Variants in SKAP1 observed in about 807,000 individuals in gnomAD.
SKAP1 encodes src kinase associated phosphoprotein 1, also known as src kinase-associated phosphoprotein 1.
In SKAP1, 44 loss-of-function variants were observed where a neutral mutation model predicts 58.5. That is an observed-to-expected ratio of 0.75 (90% confidence interval 0.59 to 0.97). SKAP1 has a LOEUF of 0.97. SKAP1 is among the 50% of genes least tolerant of loss of function. SKAP1 has a pLI of 0.00. For synonymous variants in SKAP1, 127 were observed against 149.7 expected, an observed-to-expected ratio of 0.85 and a Z score of 1.11; for missense variants, 390 against 435.2, an observed-to-expected ratio of 0.90 and a Z score of 0.92.
intron 4 of SKAP1, among the ~76,000 whole-genome samples, chr17:48,302,595 C>T (rs1032113806): frequency 6.6e-6 from 1 of 152,170 alleles, no homozygotes; most frequent in African/African-American, 2.4e-5. Context: ...TTGCTGTCCA[C>T]CTTATTGCAA....
chr17:48,405,448 T>C (rs2067566097), intron 1 of SKAP1, among the ~76,000 whole-genome samples: 11 of 76,694 alleles, frequency 1.4e-4, no homozygotes, highest in African/African-American at 6.0e-4. Context: ...TTTCTTTCTT[T>C]CTTTTCTTTC....
At chr17:48,324,132 A>G (rs946346301) in intron 4 of SKAP1, among the ~76,000 whole-genome samples, 9 of 151,540 alleles carry the variant, frequency 5.9e-5, no homozygotes, top group African/African-American at 1.7e-4. Flanking sequence ...CACAAAGGGG[A>G]AAAAAAAGCA....
rs144182938 is a variant in SKAP1 at position 48,409,539 on chromosome 17, C to T, written c.47-12754G>A. ...AAAGAATTAGCTGGGCATGGTGGCA[C>T]GTACCTGTAGTCCCAGCTACTAGGG... On this transcript the variant is annotated intron_variant, in intron 1 of 12. Coordinates refer to ENST00000336915, the MANE Select transcript of SKAP1 (RefSeq NM_003726.4). Among the ~76,000 whole-genome samples the T allele has an allele frequency of 5.9e-3, 892 of 151,972 alleles. 4 individuals carry two copies. The highest frequency in any genetic ancestry group is 0.011 in the Admixed American group (163 of 15,244).
chr17:48,289,716 G>A (rs2065876907), intron 4 of SKAP1, among the ~76,000 whole-genome samples: 1 of 151,888 alleles, frequency 6.6e-6, no homozygotes, highest in East Asian at 1.9e-4. Context: ...GTAATCTGTA[G>A]TCATTATTAA....
At chr17:48,400,246 G>A (rs934816521) in intron 1 of SKAP1, among the ~76,000 whole-genome samples, 2 of 151,486 alleles carry the variant, frequency 1.3e-5, no homozygotes, top group Non-Finnish European at 2.9e-5. Context: ...CTACAGGCAC[G>A]CACCACCACA....
intron 9 of SKAP1, among the ~76,000 whole-genome samples, chr17:48,178,542 G>C (rs2064322319): frequency 6.6e-6 from 1 of 152,148 alleles, no homozygotes; most frequent in Non-Finnish European, 1.5e-5. Context: ...ATTCTCAGAG[G>C]AGCTGTGTTT....
chr17:48,229,338 G>A (rs763886726), intron 4 of SKAP1, among the ~76,000 whole-genome samples: 11 of 151,996 alleles, frequency 7.2e-5, no homozygotes, highest in Non-Finnish European at 7.4e-5. Context: ...AAACATTTGC[G>A]GGCCTGGCGT....
intron 9 of SKAP1, among the ~76,000 whole-genome samples, chr17:48,171,036 G>A (rs567815432): frequency 9.4e-5 from 14 of 148,796 alleles, no homozygotes; most frequent in African/African-American, 3.4e-4. Flanking sequence ...ATACGGAAAG[G>A]TCCCCTTTCT....
chr17:48,191,974 G>A (rs551421997), intron 4 of SKAP1, among the ~76,000 whole-genome samples: 4 of 152,306 alleles, frequency 2.6e-5, no homozygotes, highest in African/African-American at 9.6e-5. Flanking sequence ...TGAGTGGGGT[G>A]AGGACCAGTT....
intron 4 of SKAP1, among the ~76,000 whole-genome samples, chr17:48,341,308 A>G (rs1036441801): frequency 1.3e-5 from 2 of 152,184 alleles, no homozygotes; most frequent in African/African-American, 4.8e-5. Flanking sequence ...TTAAACCTTC[A>G]TTTTAATTTC....
chr17:48,135,508 T>C (rs770191981), intron 12 of SKAP1, among the ~76,000 whole-genome samples: 1 of 152,188 alleles, frequency 6.6e-6, no homozygotes, highest in Non-Finnish European at 1.5e-5. Context: ...GACAGGATCT[T>C]GCTCTTTCAC....
chr17:48,426,063 A>G (rs1322811340), intron 1 of SKAP1, among the ~76,000 whole-genome samples: 1 of 152,216 alleles, frequency 6.6e-6, no homozygotes, highest in East Asian at 1.9e-4. Context: ...AAGAGTGCTT[A>G]AAGAGAATCT....
intron 3 of SKAP1, among the ~76,000 whole-genome samples, chr17:48,357,038 C>A (rs2066884208): frequency 6.6e-6 from 1 of 152,106 alleles, no homozygotes; most frequent in African/African-American, 2.4e-5. Context: ...CTCTATATAG[C>A]ATTCCATTAA....
intron 10 of SKAP1, among the ~76,000 whole-genome samples, chr17:48,165,403 CTTTT>C (rs1282614907): frequency 1.3e-3 from 54 of 41,604 alleles, no homozygotes; most frequent in Admixed American, 2.9e-3. Context: ...TTCTTTCTTT[CTTTT>C]TTTTTTTTTT....
intron 11 of SKAP1, among the ~76,000 whole-genome samples, chr17:48,145,649 G>A (rs140561554): frequency 4.9e-4 from 74 of 152,074 alleles, no homozygotes; most frequent in African/African-American, 1.8e-3. Context: ...AGGTGTCAGG[G>A]GATATTGGGG....
chr17:48,193,634 A>G (rs2064581488), intron 4 of SKAP1: 8 of 953,822 alleles, frequency 8.4e-6, no homozygotes, highest in Non-Finnish European at 1.0e-5. Flanking sequence ...GTGGGAATCC[A>G]CAGTGGCATG....
rs745369035 is a variant in SKAP1 at position 48,211,027 on chromosome 17, C to T, written c.281-21527G>A. 9.2e-5 allele frequency among the ~76,000 whole-genome samples: 14 copies of T among 151,994 alleles called. 1 individual carries two copies. The highest frequency in any genetic ancestry group is 1.0e-4 in the Non-Finnish European group (7 of 68,002). ...ATAAAAAGACTGGGGGGAGGCACCC[C>T]AGGAATGGGAGGGCACTTCATGCTC... On this transcript the variant is annotated intron_variant, in intron 4 of 12. Coordinates refer to ENST00000336915, the MANE Select transcript of SKAP1 (RefSeq NM_003726.4).
chr17:48,363,709 C>G (rs1371127282), intron 3 of SKAP1, 80 bp downstream of exon 3: 6 of 1,248,850 alleles, frequency 4.8e-6, no homozygotes, highest in Non-Finnish European at 6.8e-6. Context: ...TGTGGAGAAG[C>G]TTGTAGAGAA....
intron 4 of SKAP1, among the ~76,000 whole-genome samples, chr17:48,288,225 C>T (rs2065856542): frequency 6.6e-6 from 1 of 152,216 alleles, no homozygotes; most frequent in African/African-American, 2.4e-5. Flanking sequence ...ATCTGTCTGA[C>T]ATACAGTGAG....
Sources: allele counts gnomAD v4.1 joint callset (sites outside exome capture counted in the v4.1 genomes callset), GRCh38; gene constraint gnomAD v4.1.1; transcripts MANE v1.5; gene names NCBI Gene and HGNC (gene_info 2026-07-23, HGNC 2026-07-21).